Variants in STXBP5L observed in about 807,000 individuals in gnomAD.
The protein encoded by STXBP5L is syntaxin-binding protein 5-like.
STXBP5L carries 65 observed loss-of-function variants against 144.5 expected under a neutral mutation model. That is an observed-to-expected ratio of 0.45 (90% CI 0.37 to 0.55). The LOEUF is 0.55. Among genes scored for constraint, STXBP5L ranks in the 20% least tolerant of loss-of-function variants. STXBP5L has a pLI of 0.00. For missense variants in STXBP5L, 1,298 were observed against 1,405.5 expected, an observed-to-expected ratio of 0.92 and a Z score of 1.22; for synonymous variants, 505 against 469.6, an observed-to-expected ratio of 1.08 and a Z score of -0.97.
intron 19 of STXBP5L, among the ~76,000 whole-genome samples, chr3:121,310,720 C>T (rs1448554349): frequency 2.6e-5 from 4 of 151,502 alleles, no homozygotes; most frequent in African/African-American, 9.7e-5. Context: ...ACCAGCCTGG[C>T]CAACATGGTG....
intron 20 of STXBP5L, among the ~76,000 whole-genome samples, chr3:121,336,341 A>G (rs564694994): frequency 6.6e-6 from 1 of 152,222 alleles, no homozygotes; most frequent in South Asian, 2.1e-4. Flanking sequence ...TACAAAAACT[A>G]CAAAATTTAG....
chr3:121,279,584 T>C (rs2050986799), intron 18 of STXBP5L, among the ~76,000 whole-genome samples: 1 of 151,896 alleles, frequency 6.6e-6, no homozygotes, highest in Admixed American at 6.6e-5. Context: ...TGGCAAAATA[T>C]AATTGCCGAT....
intron 19 of STXBP5L, among the ~76,000 whole-genome samples, chr3:121,317,177 A>G (rs1465629215): frequency 6.6e-6 from 1 of 152,206 alleles, no homozygotes; most frequent in East Asian, 1.9e-4. Context: ...TTAAAATTGG[A>G]TGAGCATTAC....
At chr3:121,019,713 G>T (rs1945407627) in intron 3 of STXBP5L, among the ~76,000 whole-genome samples, 1 of 152,154 alleles carries the variant, frequency 6.6e-6, no homozygotes, top group Non-Finnish European at 1.5e-5. Flanking sequence ...CTCCACCGCA[G>T]GAGAAAGTGG....
intron 3 of STXBP5L, among the ~76,000 whole-genome samples, chr3:121,005,217 C>T (rs909443499): frequency 2.6e-5 from 4 of 152,122 alleles, no homozygotes; most frequent in Non-Finnish European, 4.4e-5. Context: ...TAATTATTGC[C>T]TCAATTTCAG....
At chr3:121,370,414 G>T (rs898134491) in intron 20 of STXBP5L, among the ~76,000 whole-genome samples, 8 of 152,144 alleles carry the variant, frequency 5.3e-5, no homozygotes, top group Admixed American at 3.9e-4. Context: ...GTGAAGATGT[G>T]ACTGCTTCCC....
chr3:121,337,518 A>G (rs1432329960), intron 20 of STXBP5L, among the ~76,000 whole-genome samples: 3 of 151,950 alleles, frequency 2.0e-5, no homozygotes, highest in African/African-American at 4.8e-5. Flanking sequence ...AATCCTTAAT[A>G]TACATTACTT....
chr3:120,941,389 C>A (rs1021960857), intron 2 of STXBP5L, among the ~76,000 whole-genome samples: 3 of 151,632 alleles, frequency 2.0e-5, no homozygotes, highest in African/African-American at 7.2e-5. Context: ...TGTAGGTGCT[C>A]ATTCTGTTCT....
At chr3:121,033,739 A>C (rs1157350754) in intron 3 of STXBP5L, among the ~76,000 whole-genome samples, 1 of 151,884 alleles carries the variant, frequency 6.6e-6, no homozygotes, top group Non-Finnish European at 1.5e-5. Context: ...AACTTTTTTT[A>C]ATAATTGAAA....
chr3:121,046,915 T>A (rs986629176), intron 5 of STXBP5L, among the ~76,000 whole-genome samples: 1 of 152,138 alleles, frequency 6.6e-6, no homozygotes, highest in Non-Finnish European at 1.5e-5. Context: ...TTGTTTTGTA[T>A]TGTTTCTCTA....
rs573667569 is a variant in STXBP5L at position 121,385,751 on chromosome 3, C to T, written c.2587+4219C>T. 1.2e-4 allele frequency among the ~76,000 whole-genome samples: 19 copies of T among 152,216 alleles called. No homozygotes were observed. The South Asian group carries it at 3.9e-3, about 32-fold the overall frequency. On this transcript the variant is annotated intron_variant, in intron 22 of 26. Coordinates refer to ENST00000471454, the MANE Select transcript of STXBP5L (RefSeq NM_001308330.2). ...CATTGAATTTTCACTTTTGGACCTA[C>T]CCTGTCTACTCTAGAGTTGTCCCAG...
At chr3:121,290,818 A>T (rs765459192) in intron 19 of STXBP5L, among the ~76,000 whole-genome samples, 8 of 152,292 alleles carry the variant, frequency 5.3e-5, no homozygotes, top group Non-Finnish European at 8.8e-5. Context: ...ATCTCAATAG[A>T]TGCAGAAAAA....
At chr3:121,403,950 C>G (rs1052154850) in intron 22 of STXBP5L, among the ~76,000 whole-genome samples, 12 of 152,092 alleles carry the variant, frequency 7.9e-5, no homozygotes, top group African/African-American at 2.9e-4. Context: ...TTCTTTGAAA[C>G]TTTTCTCTTT....
intron 3 of STXBP5L, among the ~76,000 whole-genome samples, chr3:121,006,322 C>T (rs1003696092): frequency 6.6e-6 from 1 of 151,990 alleles, no homozygotes; most frequent in African/African-American, 2.4e-5. Flanking sequence ...TTCTTTGTCT[C>T]TTTTGATCTT....
At chr3:121,268,069 A>G (rs1237727029) in intron 18 of STXBP5L, among the ~76,000 whole-genome samples, 1 of 152,202 alleles carries the variant, frequency 6.6e-6, no homozygotes, top group Non-Finnish European at 1.5e-5. Context: ...TATATACCCA[A>G]AGGATTATAA....
At chr3:120,927,259 T>C (rs1213917322) in intron 2 of STXBP5L, among the ~76,000 whole-genome samples, 1 of 152,176 alleles carries the variant, frequency 6.6e-6, no homozygotes, top group African/African-American at 2.4e-5. Flanking sequence ...ATTTCTTAAT[T>C]GCTTTTCTGT....
chr3:120,966,130 AG>A (rs1305453353), intron 3 of STXBP5L, among the ~76,000 whole-genome samples: 6 of 152,204 alleles, frequency 3.9e-5, no homozygotes, highest in Non-Finnish European at 8.8e-5. Context: ...CAGCTCCATC[AG>A]GTCATTTAAG....
intron 3 of STXBP5L, among the ~76,000 whole-genome samples, chr3:121,018,554 C>T (rs1272914802): frequency 7.1e-6 from 1 of 140,826 alleles, no homozygotes; most frequent in African/African-American, 2.6e-5. Flanking sequence ...AATGCAGACA[C>T]AGTCCTTACA....
chr3:121,072,220 G>A (rs1560091214), intron 5 of STXBP5L, among the ~76,000 whole-genome samples: 1 of 152,194 alleles, frequency 6.6e-6, no homozygotes, highest in Non-Finnish European at 1.5e-5. Flanking sequence ...CACCCACCCT[G>A]AGAAAGTGCA....
Sources: allele counts gnomAD v4.1 joint callset (sites outside exome capture counted in the v4.1 genomes callset), GRCh38; gene constraint gnomAD v4.1.1; transcripts MANE v1.5; gene names NCBI Gene and HGNC (gene_info 2026-07-23, HGNC 2026-07-21).